The following ITPR1 variants were observed in gnomAD, a reference collection of about 807,000 sequenced individuals.
ITPR1 encodes inositol 1,4,5-trisphosphate receptor type 1, also known as inositol 1,4,5-trisphosphate-gated calcium channel ITPR1.
Under a neutral mutation model 318.4 loss-of-function variants are expected in ITPR1, and 96 were observed. The observed-to-expected ratio is 0.30, with a 90% CI of 0.26 to 0.36. The LOEUF is 0.36. ITPR1 is among the 10% of genes least tolerant of loss of function. The probability of loss-of-function intolerance (pLI) is 1.00; values close to 1 mark genes in which losing one functional copy is unlikely to be tolerated. For missense variants in ITPR1, 2,440 were observed against 3,460.2 expected (o/e 0.71, Z 7.40); for synonymous variants, 1,312 against 1,289.9 (o/e 1.02, Z -0.37).
At chr3:4,574,359 G>C (rs927524950) in intron 4 of ITPR1, among the ~76,000 whole-genome samples, 2 of 152,106 alleles carry the variant, frequency 1.3e-5, no homozygotes, top group African/African-American at 2.4e-5. Context: ...GCAATGCTTC[G>C]TTTGCACAAT....
intron 5 of ITPR1, among the ~76,000 whole-genome samples, chr3:4,628,798 A>G (rs2092922791): frequency 6.6e-6 from 1 of 152,158 alleles, no homozygotes; most frequent in African/African-American, 2.4e-5. Flanking sequence ...CAAATATTTC[A>G]CGGAATGCAC....
Position 4,719,834 on chromosome 3 carries a change from G to A in ITPR1, c.5136+2435G>A, listed in dbSNP as rs151068002. Among the ~76,000 whole-genome samples the A allele has an allele frequency of 3.3e-3, 507 of 152,220 alleles. 4 individuals carry two copies. The highest frequency in any genetic ancestry group is 9.8e-3 in the African/African-American group (406 of 41,522). On this transcript the variant is annotated intron_variant, in intron 40 of 61. Transcript: ENST00000649015. ...TTGTTTGAAACCAGGAAGAGGAGGG[G>A]TTGTTTGTTTTTTGGCAAGCAAAGA...
chr3:4,728,826 C>T (rs1298358344), intron 42 of ITPR1, among the ~76,000 whole-genome samples: 1 of 152,224 alleles, frequency 6.6e-6, no homozygotes, highest in Non-Finnish European at 1.5e-5. Flanking sequence ...CCCAGTCCCA[C>T]TACATCCCAA....
intron 12 of ITPR1, among the ~76,000 whole-genome samples, chr3:4,656,889 G>C (rs2093722377): frequency 6.6e-6 from 1 of 152,238 alleles, no homozygotes. Context: ...ACGCGATGTA[G>C]AGTTGCCGGG....
intron 45 of ITPR1, among the ~76,000 whole-genome samples, chr3:4,767,402 G>C (rs1211212725): frequency 6.6e-6 from 1 of 152,256 alleles, no homozygotes; most frequent in East Asian, 1.9e-4. Flanking sequence ...CGGGGTTGGG[G>C]GCAAAATCAC....
At chr3:4,557,951 C>T (rs2086297126) in intron 4 of ITPR1, among the ~76,000 whole-genome samples, 1 of 152,128 alleles carries the variant, frequency 6.6e-6, no homozygotes, top group Non-Finnish European at 1.5e-5. Context: ...TTATTACATC[C>T]ACATAAGCTG....
intron 52 of ITPR1, 110 bp from the exon 53 acceptor site, chr3:4,794,955 G>T: frequency 8.2e-7 from 1 of 1,220,132 alleles, no homozygotes; most frequent in East Asian, 2.6e-5. Flanking sequence ...GGTAAAAACC[G>T]GGAACAAAAG....
chr3:4,784,110 T>G (rs2047009754), intron 51 of ITPR1, among the ~76,000 whole-genome samples, 190 bp downstream of exon 51: 1 of 151,956 alleles, frequency 6.6e-6, no homozygotes, highest in Non-Finnish European at 1.5e-5. Context: ...TGTGGTCCGG[T>G]GGGGAAGAGG....
intron 4 of ITPR1, among the ~76,000 whole-genome samples, chr3:4,564,223 G>A (rs1368196556): frequency 6.6e-6 from 1 of 152,132 alleles, no homozygotes; most frequent in Non-Finnish European, 1.5e-5. Flanking sequence ...TTACAGGCGT[G>A]AGCCACCGCA....
At chr3:4,531,068 T>C (rs1401748056) in intron 4 of ITPR1, among the ~76,000 whole-genome samples, 1 of 152,144 alleles carries the variant, frequency 6.6e-6, no homozygotes, top group Non-Finnish European at 1.5e-5. Context: ...ATGGGTACTG[T>C]TATGTCCCCA....
chr3:4,698,459 T>G (rs934161275), intron 34 of ITPR1, among the ~76,000 whole-genome samples: 3 of 152,126 alleles, frequency 2.0e-5, no homozygotes, highest in Non-Finnish European at 4.4e-5. Flanking sequence ...CAGGCCTGCT[T>G]TATTTGTTTA....
chr3:4,794,305 G>A (rs536916969), intron 52 of ITPR1, among the ~76,000 whole-genome samples: 1 of 152,286 alleles, frequency 6.6e-6, no homozygotes, highest in South Asian at 2.1e-4. Flanking sequence ...GTGGATTAAG[G>A]TGGCAGCAAT....
chr3:4,627,052 C>T lies in ITPR1; in HGVS notation c.164-711C>T, dbSNP rs192554769. 9.5e-3 allele frequency among the ~76,000 whole-genome samples: 1,447 copies of T among 152,116 alleles called. 11 individuals carry two copies. Among genetic ancestry groups the T allele is most frequent in the Non-Finnish European group, 0.016 (1,060 of 67,992 alleles). On this transcript the variant is annotated intron_variant, in intron 4 of 61. Coordinates refer to ENST00000649015, the MANE Select transcript of ITPR1 (RefSeq NM_001378452.1). ...ACCAGGCTGGTCTCAAACTCCTGAC[C>T]TCAAGTGATCCACCTGCCTCAGCCT...
chr3:4,630,655 G>A (rs566656640), intron 5 of ITPR1, among the ~76,000 whole-genome samples: 6 of 150,892 alleles, frequency 4.0e-5, no homozygotes, highest in East Asian at 1.9e-4. Context: ...GCGCCATCTC[G>A]GCCTACTGCA....
At position 4,574,214 on chromosome 3, in the gene ITPR1, T is replaced by C. The variant is rs555172078; in HGVS notation, c.163+53120T>C. Among the ~76,000 whole-genome samples the C allele has an allele frequency of 2.2e-3, 333 of 151,988 alleles. 1 individual carries two copies. Among genetic ancestry groups the C allele is most frequent in the African/African-American group, 7.3e-3 (301 of 41,462 alleles). ...ATGCCTTATCTTCTTTTTTTTTTTT[T>C]CAGCCTCTTATTGAAAAAAAAATTC... is the stretch of plus-strand genomic sequence containing the variant. On this transcript the variant is annotated intron_variant, in intron 4 of 61. Coordinates refer to ENST00000649015, the MANE Select transcript of ITPR1 (RefSeq NM_001378452.1).
rs1321546225 is a variant in ITPR1 at position 4,798,631 on chromosome 3, A to G, written c.6932-1794A>G. On this transcript the variant is annotated intron_variant, in intron 53 of 61. Coordinates refer to ENST00000649015, the MANE Select transcript of ITPR1 (RefSeq NM_001378452.1). ...AGTGAAATGAAAATATGTCCACTCC[A>G]AGAATTGAACATGAATGTTTCTAGT... Among the ~76,000 whole-genome samples the G allele has an allele frequency of 2.6e-5, 4 of 152,248 alleles. No homozygotes were observed. In the East Asian group the frequency reaches 7.7e-4, roughly 29 times the overall value.
intron 24 of ITPR1, among the ~76,000 whole-genome samples, chr3:4,678,045 C>G (rs968235239): frequency 6.6e-6 from 1 of 151,860 alleles, no homozygotes; most frequent in Non-Finnish European, 1.5e-5. Flanking sequence ...TTTTTTTATC[C>G]CATGTTGCCT....
intron 24 of ITPR1, among the ~76,000 whole-genome samples, chr3:4,678,504 C>T (rs1008468899): frequency 2.0e-5 from 3 of 152,136 alleles, no homozygotes; most frequent in Admixed American, 6.5e-5. Flanking sequence ...TATTGACTCC[C>T]TACCATGTGC....
Position 4,758,473 on chromosome 3 carries a change from G to A in ITPR1, c.5545-8057G>A, listed in dbSNP as rs76359093. Among the ~76,000 whole-genome samples, 596 of 152,286 alleles carry A rather than the reference G, an allele frequency of 3.9e-3. 5 individuals carry two copies. Among genetic ancestry groups the A allele is most frequent in the Middle Eastern group, 0.017 (5 of 294 alleles). On this transcript the variant is annotated intron_variant, in intron 44 of 61. Transcript: ENST00000649015. ...TAGAATGGTCTGGTGGCCCAGAAAC[G>A]GACAGGTAGGCTGGCTCACATTCCA...
Sources: allele counts gnomAD v4.1 joint callset (sites outside exome capture counted in the v4.1 genomes callset), GRCh38; gene constraint gnomAD v4.1.1; transcripts MANE v1.5; gene names NCBI Gene and HGNC (gene_info 2026-07-23, HGNC 2026-07-21).